The following DBNL variants were observed in gnomAD, a reference collection of about 807,000 sequenced individuals.
DBNL encodes drebrin like.
In DBNL, 35 loss-of-function variants were observed where a neutral mutation model predicts 62.2. That is an observed-to-expected ratio of 0.56 (90% CI 0.43 to 0.75). The LOEUF is 0.75. Among genes scored for constraint, DBNL ranks in the 30% least tolerant of loss-of-function variants. DBNL has a pLI of 0.00. For missense variants in DBNL, 495 were observed against 578.4 expected, an observed-to-expected ratio of 0.86 and a Z score of 1.48; for synonymous variants, 197 against 218.0, an observed-to-expected ratio of 0.90 and a Z score of 0.85.
intron 4 of DBNL, 125 bp from the exon 5 acceptor site, chr7:44,056,632 C>A: frequency 7.5e-7 from 1 of 1,334,508 alleles, no homozygotes; most frequent in South Asian, 1.5e-5. Context: ...CAGACAGGTG[C>A]CTTCTAGTTT....
chr7:44,059,027 G>A lies in DBNL; in HGVS notation c.835+44G>A. On this transcript the variant is annotated intron_variant, in intron 9 of 12. Coordinates refer to ENST00000448521, the MANE Select transcript of DBNL (RefSeq NM_001014436.3). This position sits in a 1 kb window ranked among gnomAD's most constrained non-coding sequence, Gnocchi z 4.1. ...CCTGGCCATGAGGCAGCAGCAGGCT[G>A]AGGGGGAGCCTGGGGTCCTATGTGG... 1 of 1,603,492 alleles carries A rather than the reference G, an allele frequency of 6.2e-7. No individual in the cohort carries two copies. The highest frequency in any genetic ancestry group is 8.5e-7 in the Non-Finnish European group (1 of 1,171,386).
In DBNL at chr7:44,065,375, A is replaced by G. The variant is rs929959611; in HGVS notation, c.*4459A>G. The G allele has an allele frequency of 5.6e-6, 9 of 1,613,906 alleles. No individual in the cohort carries two copies. The Admixed American group carries it at 1.2e-4, about 21-fold the overall frequency. ...CAGCACTGACGTGTAGCAGATGTCA[A>G]ACTCCATCTTGGCATCCTTGATGGC... On this transcript the variant is annotated 3_prime_UTR_variant, in exon 13 of 13. Transcript: ENST00000448521.
At chr7:44,044,893 A>G in intron 1 of DBNL, 73 bp downstream of exon 1, 1 of 1,305,978 alleles carries the variant, frequency 7.7e-7, no homozygotes, top group South Asian at 1.8e-5. Flanking sequence ...CGAGCGGGGG[A>G]CTCGGGGGGA....
chr7:44,060,537 T>C lies in DBNL; in HGVS notation c.1154-240T>C, dbSNP rs1393899987. Among the ~76,000 whole-genome samples, 1 of 152,142 alleles carries C rather than the reference T, an allele frequency of 6.6e-6. No individual in the cohort carries two copies. Among genetic ancestry groups the C allele is most frequent in the Admixed American group, 6.5e-5 (1 of 15,280 alleles). On this transcript the variant is annotated intron_variant, in intron 12 of 12. Coordinates refer to ENST00000448521, the MANE Select transcript of DBNL (RefSeq NM_001014436.3). The surrounding 1 kb of genome is among the most constrained non-coding windows in gnomAD (Gnocchi z 6.3). ...CCCTACGGAGCAGGCTGGTGTCTAC[T>C]CTAGCCTTTTTTGGGAATGCTCTGT... is the stretch of plus-strand genomic sequence containing the variant.
At chr7:44,047,355 G>C (rs1265589396) in intron 1 of DBNL, among the ~76,000 whole-genome samples, 2 of 152,144 alleles carry the variant, frequency 1.3e-5, no homozygotes, top group Admixed American at 1.3e-4. Context: ...TAGTTTGGTG[G>C]GTCATAAGAG....
At position 44,059,672 on chromosome 7, in the gene DBNL, CTG is replaced by C; in HGVS notation, c.1047+15_1047+16del. The C allele has an allele frequency of 1.9e-6, 3 of 1,584,890 alleles. No homozygotes were observed. The highest frequency in any genetic ancestry group is 2.6e-6 in the Non-Finnish European group (3 of 1,171,122). ...CAGCCCCCACTGGTGGGTTCCTACA[CTG>C]GGGCTGGGGCCAGGAAGGGGCTGCA... On this transcript the variant is annotated intron_variant, in intron 11 of 12. Coordinates refer to ENST00000448521, the MANE Select transcript of DBNL (RefSeq NM_001014436.3). The surrounding 1 kb of genome is among the most constrained non-coding windows in gnomAD (Gnocchi z 4.1).
intron 1 of DBNL, among the ~76,000 whole-genome samples, chr7:44,048,123 C>T (rs1018523915): frequency 2.6e-5 from 4 of 152,146 alleles, no homozygotes; most frequent in Non-Finnish European, 5.9e-5. Flanking sequence ...CCATGTTGGC[C>T]AGGCTGGTCT....
chr7:44,060,684 T>C lies in DBNL; in HGVS notation c.1154-93T>C. 1 of 1,511,730 alleles carries C rather than the reference T, an allele frequency of 6.6e-7. No homozygotes were observed. The highest frequency in any genetic ancestry group is 9.0e-7 in the Non-Finnish European group (1 of 1,114,004). The allele number at this position is 1,511,730 out of a possible 1,614,324, so 93.6% of individuals were successfully genotyped here. ...GAGGAACCAGAGCTGCAGCGAGGTG[T>C]GCTGCAGCAGTGTGGGGCTGCCGTG... On this transcript the variant is annotated intron_variant, in intron 12 of 12. Coordinates refer to ENST00000448521, the MANE Select transcript of DBNL (RefSeq NM_001014436.3). This position sits in a 1 kb window ranked among gnomAD's most constrained non-coding sequence, Gnocchi z 6.3.
At chr7:44,048,669 C>T (rs1247982330) in intron 1 of DBNL, among the ~76,000 whole-genome samples, 2 of 152,218 alleles carry the variant, frequency 1.3e-5, no homozygotes, top group Non-Finnish European at 2.9e-5. Context: ...TCTGTCTGGC[C>T]TGCCTCAGCA....
In DBNL at chr7:44,046,731, T is replaced by C. The variant is rs565457919; in HGVS notation, c.83+1911T>C. Among the ~76,000 whole-genome samples, 18 of 152,358 alleles carry C rather than the reference T, an allele frequency of 1.2e-4. No homozygotes were observed. The South Asian group carries it at 1.9e-3, about 16-fold the overall frequency. The stretch of plus-strand genomic sequence containing the variant: ...TAAGGTAGTTACTCAGCAGATACTA[T>C]GTGGCAGATTCCTGCACACTGCGGA... On this transcript the variant is annotated intron_variant, in intron 1 of 12. Coordinates refer to ENST00000448521, the MANE Select transcript of DBNL (RefSeq NM_001014436.3).
At chr7:44,056,591 G>A in intron 4 of DBNL, 166 bp from the exon 5 acceptor site, 1 of 989,284 alleles carries the variant, frequency 1.0e-6, no homozygotes, top group Non-Finnish European at 1.4e-6. Flanking sequence ...TTGAGCCCTT[G>A]AGGGGAACTC....
intron 1 of DBNL, among the ~76,000 whole-genome samples, chr7:44,047,845 G>A (rs1199760887): frequency 6.6e-6 from 1 of 151,938 alleles, no homozygotes; most frequent in African/African-American, 2.4e-5. Context: ...GGTAGAGAGG[G>A]ATCAAGTCAG....
Position 44,063,085 on chromosome 7 carries a change from C to CAAGG in DBNL, c.*2171_*2174dup. ...AGGCCACAGAAATGTTGCCAAAGGT[C>CAAGG]AAGGAGTAACTGAGTTAGACCAAGC... On this transcript the variant is annotated 3_prime_UTR_variant, in exon 13 of 13. Coordinates refer to ENST00000448521, the MANE Select transcript of DBNL (RefSeq NM_001014436.3). The CAAGG allele has an allele frequency of 1.3e-6, 1 of 787,522 alleles. No homozygotes were observed. The allele number at this position is 787,522 out of a possible 1,614,324, so 48.8% of individuals were successfully genotyped here.
In DBNL at chr7:44,065,807, CTGAG is replaced by C. The variant is rs1478768982; in HGVS notation, c.*4894_*4897del. On this transcript the variant is annotated 3_prime_UTR_variant, in exon 13 of 13. Transcript: ENST00000448521. ...AACCAGCTGGCACCCAGAGCCCAGA[CTGAG>C]TGGGGCTGCTGGTCAGGGATGGGCG... is the stretch of plus-strand genomic sequence containing the variant. 2.4e-5 allele frequency: 13 copies of C among 541,006 alleles called. No homozygotes were observed. Among genetic ancestry groups the C allele is most frequent in the Non-Finnish European group, 3.7e-5 (11 of 299,024 alleles). 33.5% of individuals were successfully genotyped at this position (541,006 alleles called of 1,614,324 possible).
chr7:44,065,748 C>G lies in DBNL; in HGVS notation c.*4832C>G, dbSNP rs2096158861. ...GCTTAAAATAGCCCCACGCATCCACCAGCTCCTGGCCTGGGTTCAGGTGGC... is the reference window on the plus strand; with the variant it reads ...GCTTAAAATAGCCCCACGCATCCACGAGCTCCTGGCCTGGGTTCAGGTGGC... On this transcript the variant is annotated 3_prime_UTR_variant, in exon 13 of 13. Transcript: ENST00000448521. The G allele has an allele frequency of 1.7e-6, 1 of 604,340 alleles. No individual in the cohort carries two copies. Among genetic ancestry groups the G allele is most frequent in the African/African-American group, 1.8e-5 (1 of 54,376 alleles). The allele number at this position is 604,340 out of a possible 1,614,324, so 37.4% of individuals were successfully genotyped here.
At chr7:44,051,629 G>A in intron 2 of DBNL, 2 of 489,420 alleles carry the variant, frequency 4.1e-6, no homozygotes, top group Non-Finnish European at 7.3e-6. Context: ...CAGACTTCTA[G>A]GTCCCACCCA....
At chr7:44,045,670 C>T (rs1033336077) in intron 1 of DBNL, among the ~76,000 whole-genome samples, 1 of 152,228 alleles carries the variant, frequency 6.6e-6, no homozygotes, top group Non-Finnish European at 1.5e-5. Flanking sequence ...TGAGGCCCTC[C>T]CAACTGTCTT....
Position 44,060,117 on chromosome 7 carries a change from G to A in DBNL, c.1117G>A (p.Gly373Arg). The A allele has an allele frequency of 6.2e-7, 1 of 1,613,560 alleles. No individual in the cohort carries two copies. Among genetic ancestry groups the A allele is most frequent in the Non-Finnish European group, 8.5e-7 (1 of 1,179,862 alleles). ...TCAGGGCCAGGGGCTCAGTGGGCAAGGGCTCTGTGCCCGTGCCCTGTACGA... is the reference window on the plus strand; with the variant it reads ...TCAGGGCCAGGGGCTCAGTGGGCAAAGGCTCTGTGCCCGTGCCCTGTACGA... The part of the protein sequence containing the change: ...HIQGQGLSGQ[G>R]LCARALYDYQ... The change falls in exon 12 of 13, where the codon GGG becomes AGG. Residue 373 changes from glycine to arginine, a missense_variant. By Grantham distance (125) the Gly-to-Arg change is moderately radical. Transcript: ENST00000448521. The surrounding 1 kb of genome is among the most constrained non-coding windows in gnomAD (Gnocchi z 6.3).
chr7:44,051,548 T>A (rs1210404258), intron 2 of DBNL: 1 of 279,682 alleles, frequency 3.6e-6, no homozygotes, highest in Non-Finnish European at 6.7e-6. Flanking sequence ...CAGAATTACC[T>A]CTGGGTTTAG....
Sources: allele counts gnomAD v4.1 joint callset (sites outside exome capture counted in the v4.1 genomes callset), GRCh38; gene constraint gnomAD v4.1.1; non-coding constraint Gnocchi (gnomAD v3.1); transcripts MANE v1.5; gene names NCBI Gene and HGNC (gene_info 2026-07-23, HGNC 2026-07-21).